Variants in DCUN1D4 observed in about 807,000 individuals in gnomAD.
The protein encoded by DCUN1D4 is defective in cullin neddylation 1 domain containing 4.
Under a neutral mutation model 47.9 loss-of-function variants are expected in DCUN1D4, and 22 were observed. The ratio of observed to expected loss-of-function variants is 0.46; its 90% confidence interval spans 0.33 to 0.66. The LOEUF is 0.66. Among genes scored for constraint, DCUN1D4 ranks in the 30% least tolerant of loss-of-function variants. DCUN1D4 has a pLI of 0.02. For synonymous variants in DCUN1D4, 121 were observed against 112.2 expected (o/e 1.08, Z -0.50); for missense variants, 301 against 340.8 (o/e 0.88, Z 0.92).
chr4:51,902,499 T>C (rs562624700), intron 8 of DCUN1D4, among the ~76,000 whole-genome samples: 2 of 152,238 alleles, frequency 1.3e-5, no homozygotes, highest in South Asian at 4.1e-4. Flanking sequence ...GTAATGTCTC[T>C]CTTTATCTCT....
intron 6 of DCUN1D4, 101 bp downstream of exon 6, chr4:51,886,739 G>T: frequency 1.0e-6 from 1 of 998,752 alleles, no homozygotes; most frequent in Non-Finnish European, 1.5e-6. Flanking sequence ...GTAGTGGTAT[G>T]TTAGTTTTTA....
chr4:51,867,771 C>T (rs1178811610), intron 3 of DCUN1D4, among the ~76,000 whole-genome samples: 1 of 152,238 alleles, frequency 6.6e-6, no homozygotes, highest in African/African-American at 2.4e-5. Flanking sequence ...CTGGAACTGG[C>T]AGCCCAGCCT....
At chr4:51,836,898 A>G in the DCUN1D4 span, among the ~76,000 whole-genome samples, 8 of 152,184 alleles carry the variant, frequency 5.3e-5, no homozygotes, top group African/African-American at 1.4e-4. Flanking sequence ...CCTGAGAGGG[A>G]TGTTAGAAAG....
chr4:51,901,247 A>T (rs1732061267), intron 8 of DCUN1D4, among the ~76,000 whole-genome samples: 1 of 152,154 alleles, frequency 6.6e-6, no homozygotes, highest in South Asian at 2.1e-4. Flanking sequence ...TATACGACAC[A>T]GTTGTTCCCA....
At chr4:51,868,653 T>A (rs1726356121) in intron 3 of DCUN1D4, among the ~76,000 whole-genome samples, 1 of 152,238 alleles carries the variant, frequency 6.6e-6, no homozygotes, top group Non-Finnish European at 1.5e-5. Context: ...TGGGCAATGC[T>A]ACTGTGTGTG....
At chr4:51,839,480 C>A (rs551710951), upstream of DCUN1D4, among the ~76,000 whole-genome samples, 2 of 152,244 alleles carry the variant, frequency 1.3e-5, no homozygotes, top group South Asian at 4.1e-4. Flanking sequence ...TAGTGCCCGT[C>A]ACATAGGAAG....
At chr4:51,900,106 G>A (rs2110098528) in intron 8 of DCUN1D4, among the ~76,000 whole-genome samples, 1 of 152,266 alleles carries the variant, frequency 6.6e-6, no homozygotes, top group South Asian at 2.1e-4. Flanking sequence ...CAGGTGACTA[G>A]GCTTTCTTGT....
At position 51,916,589 on chromosome 4, in the gene DCUN1D4, C is replaced by T. The variant is rs1734345759; in HGVS notation, c.*3005C>T. 1 of 152,452 alleles carries T rather than the reference C, an allele frequency of 6.6e-6. No homozygotes were observed. The highest frequency in any genetic ancestry group is 2.4e-5 in the African/African-American group (1 of 41,410). 9.4% of individuals were successfully genotyped at this position (152,452 alleles called of 1,614,324 possible). ...GTAAATGAGACCAAAACGTGGGTTG[C>T]TTTTTTCATAAAATAATTTCTATTG... is the stretch of plus-strand genomic sequence containing the variant. On this transcript the variant is annotated 3_prime_UTR_variant, in exon 11 of 11. Transcript: ENST00000334635.
intron 1 of DCUN1D4, among the ~76,000 whole-genome samples, chr4:51,852,389 T>TA (rs1357656918): frequency 6.6e-6 from 1 of 152,252 alleles, no homozygotes; most frequent in Non-Finnish European, 1.5e-5. Flanking sequence ...ACATCATTTT[T>TA]ACATAACATT....
At chr4:51,901,794 A>AG (rs1290030711) in intron 8 of DCUN1D4, among the ~76,000 whole-genome samples, 3 of 152,230 alleles carry the variant, frequency 2.0e-5, no homozygotes, top group Non-Finnish European at 2.9e-5. Flanking sequence ...TTTGTTTTAA[A>AG]GGAGAGTCTC....
chr4:51,899,765 G>C (rs1030763297), intron 8 of DCUN1D4, among the ~76,000 whole-genome samples: 6 of 152,152 alleles, frequency 3.9e-5, no homozygotes, highest in Non-Finnish European at 8.8e-5. Context: ...TTCACCGTGG[G>C]TGCTATTATT....
chr4:51,892,674 T>C (rs1730612266), intron 7 of DCUN1D4, among the ~76,000 whole-genome samples: 1 of 152,238 alleles, frequency 6.6e-6, no homozygotes, highest in African/African-American at 2.4e-5. Context: ...TGTGCGTGTG[T>C]GCATGCGCCT....
intron 8 of DCUN1D4, among the ~76,000 whole-genome samples, chr4:51,899,603 G>T (rs757097068): frequency 6.6e-6 from 1 of 152,144 alleles, no homozygotes; most frequent in East Asian, 1.9e-4. Context: ...ACGTTTACTG[G>T]CTCTTGGAAT....
At chr4:51,912,063 T>C (rs910863637) in intron 9 of DCUN1D4, among the ~76,000 whole-genome samples, 1 of 152,206 alleles carries the variant, frequency 6.6e-6, no homozygotes, top group African/African-American at 2.4e-5. Flanking sequence ...TAAAAATTTC[T>C]TTTAACATTA....
chr4:51,909,177 G>A (rs2110133918), intron 8 of DCUN1D4, among the ~76,000 whole-genome samples: 1 of 152,194 alleles, frequency 6.6e-6, no homozygotes, highest in South Asian at 2.1e-4. Flanking sequence ...ATTGTGACGG[G>A]GACATAGGTA....
chr4:51,849,279 T>C (rs1266759846), intron 1 of DCUN1D4, among the ~76,000 whole-genome samples: 1 of 152,198 alleles, frequency 6.6e-6, no homozygotes, highest in African/African-American at 2.4e-5. Flanking sequence ...TGGTGGCTGC[T>C]GTGCTGCTTC....
Position 51,899,118 on chromosome 4 carries a change from ATTTTT to A in DCUN1D4, c.507-148_507-144del. On this transcript the variant is annotated intron_variant, in intron 7 of 10. Transcript: ENST00000334635. Reference sequence around the variant, plus strand: ...CTTTCAACTTTTCTGTACATTTAAAATTTTTTTTAAGTGTAGAAAAAATAGGTTAT... The same window carrying A: ...CTTTCAACTTTTCTGTACATTTAAAATTTAAGTGTAGAAAAAATAGGTTAT... 3.8e-6 allele frequency: 5 copies of A among 1,324,222 alleles called. No individual in the cohort carries two copies. The South Asian group carries it at 7.5e-5, about 20-fold the overall frequency. 82.0% of individuals were successfully genotyped at this position (1,324,222 alleles called of 1,614,324 possible). A position where few individuals can be genotyped will look rare whatever the true frequency, so the allele number is the denominator to read the frequency against.
At chr4:51,843,941 G>C (rs1314431833) in intron 1 of DCUN1D4, among the ~76,000 whole-genome samples, 1 of 149,686 alleles carries the variant, frequency 6.7e-6, no homozygotes, top group South Asian at 2.1e-4. Flanking sequence ...TGGTAGTTGG[G>C]GAGTCCTGCG....
intron 7 of DCUN1D4, among the ~76,000 whole-genome samples, chr4:51,897,314 T>C (rs1165840380): frequency 6.6e-6 from 1 of 152,260 alleles, no homozygotes; most frequent in African/African-American, 2.4e-5. Context: ...TAAGGACTTA[T>C]TTGTAGTTAG....
Sources: gnomAD v4.1 joint callset for allele counts (sites outside exome capture counted in the v4.1 genomes callset) on GRCh38, gnomAD v4.1.1 for gene constraint, MANE v1.5 for transcripts, NCBI Gene and HGNC (gene_info 2026-07-23, HGNC 2026-07-21) for gene names.